The following PPP2R2B variants were observed in gnomAD, a reference collection of about 807,000 sequenced individuals.
The protein encoded by PPP2R2B is serine/threonine-protein phosphatase 2A 55 kDa regulatory subunit B beta isoform.
Under a neutral mutation model 46.0 loss-of-function variants are expected in PPP2R2B, and 5 were observed. That is an observed-to-expected ratio of 0.11 (90% CI 0.06 to 0.23). PPP2R2B has a LOEUF of 0.23. Among genes scored for constraint, PPP2R2B ranks in the 10% least tolerant of loss-of-function variants. The pLI, the probability that PPP2R2B is intolerant of heterozygous loss-of-function variation, is 1.00. For missense variants in PPP2R2B, 367 were observed against 575.0 expected, an observed-to-expected ratio of 0.64 and a Z score of 3.70; for synonymous variants, 215 against 206.7, an observed-to-expected ratio of 1.04 and a Z score of -0.34.
intron 2 of PPP2R2B, among the ~76,000 whole-genome samples, chr5:146,735,232 T>A (rs1183902155): frequency 6.6e-6 from 1 of 152,154 alleles, no homozygotes; most frequent in Admixed American, 6.5e-5. Context: ...AGGATTTAGA[T>A]CATTTAAATC....
Position 146,689,799 on chromosome 5 carries a change from G to A in PPP2R2B, c.447+1329C>T, listed in dbSNP as rs113342083. On this transcript the variant is annotated intron_variant, in intron 5 of 9. Coordinates refer to ENST00000394411, the MANE Select transcript of PPP2R2B (RefSeq NM_181675.4). ...CCAAGTCCACCCAGAATGATAAGGT[G>A]GACTTACATGGAGGTTCTCCAGAGC... Among the ~76,000 whole-genome samples, 1,233 of 152,240 alleles carry A rather than the reference G, an allele frequency of 8.1e-3. 20 individuals are homozygous for A. The highest frequency in any genetic ancestry group is 0.028 in the African/African-American group (1,178 of 41,524).
chr5:146,814,225 C>CT (rs200735774), intron 2 of PPP2R2B, among the ~76,000 whole-genome samples: 3,864 of 147,718 alleles, frequency 0.026, 51 homozygotes, highest in Middle Eastern at 0.047. Context: ...ATCCTATGGT[C>CT]TTTTTTTTTC....
chr5:146,842,532 G>T (rs568422638), intron 2 of PPP2R2B, among the ~76,000 whole-genome samples: 1 of 142,554 alleles, frequency 7.0e-6, no homozygotes, highest in East Asian at 2.0e-4. Flanking sequence ...GGATGTGCAA[G>T]TTTTTTACAT....
At chr5:146,996,549 A>G (rs1470191255) in intron 1 of PPP2R2B, among the ~76,000 whole-genome samples, 1 of 152,166 alleles carries the variant, frequency 6.6e-6, no homozygotes, top group Non-Finnish European at 1.5e-5. Flanking sequence ...AAATAGGAGT[A>G]TGGTTTGCCC....
intron 2 of PPP2R2B, among the ~76,000 whole-genome samples, chr5:146,788,579 A>G (rs1215899050): frequency 2.6e-5 from 4 of 152,110 alleles, no homozygotes; most frequent in African/African-American, 9.7e-5. Flanking sequence ...GAAAATACAA[A>G]TATTAGCCAG....
intron 1 of PPP2R2B, among the ~76,000 whole-genome samples, chr5:146,999,295 G>A (rs967519374): frequency 6.6e-6 from 1 of 152,130 alleles, no homozygotes; most frequent in Non-Finnish European, 1.5e-5. Flanking sequence ...TACTAAGGAA[G>A]GTGGTAAAAA....
intron 2 of PPP2R2B, among the ~76,000 whole-genome samples, chr5:146,707,843 A>T (rs1295859717): frequency 6.6e-6 from 1 of 152,186 alleles, no homozygotes; most frequent in Non-Finnish European, 1.5e-5. Flanking sequence ...TATAGACAAA[A>T]GTTTATCAGA....
intron 2 of PPP2R2B, among the ~76,000 whole-genome samples, chr5:146,845,896 C>G (rs610576): frequency 0.019 from 2,858 of 152,262 alleles, 94 homozygotes; most frequent in African/African-American, 0.065. Context: ...CTGTGCAACA[C>G]AGTAGCCACT....
chr5:146,883,400 T>C (rs1418042458), upstream of PPP2R2B, among the ~76,000 whole-genome samples: 2 of 152,170 alleles, frequency 1.3e-5, no homozygotes, highest in South Asian at 2.1e-4. Context: ...AAGTCAATTG[T>C]TCATGTGAAC....
chr5:146,728,138 C>CTTTTTTTTT (rs757396751), intron 2 of PPP2R2B, among the ~76,000 whole-genome samples: 3 of 82,508 alleles, frequency 3.6e-5, no homozygotes, highest in Non-Finnish European at 7.0e-5. Flanking sequence ...GAAACACTTA[C>CTTTTTTTTT]TTTTTTTTTT....
chr5:146,865,239 ATGT>A (rs892590535), intron 2 of PPP2R2B, among the ~76,000 whole-genome samples: 3 of 151,748 alleles, frequency 2.0e-5, no homozygotes, highest in African/African-American at 7.3e-5. Context: ...CCTATAGATG[ATGT>A]TGTTTTGCAT....
chr5:146,708,652 C>T (rs1780039430), intron 2 of PPP2R2B, among the ~76,000 whole-genome samples: 1 of 152,108 alleles, frequency 6.6e-6, no homozygotes, highest in South Asian at 2.1e-4. Context: ...GTTAAAAATG[C>T]TGTGTAGATA....
intron 2 of PPP2R2B, among the ~76,000 whole-genome samples, chr5:147,070,949 C>T (rs1390948377): frequency 6.6e-6 from 1 of 151,932 alleles, no homozygotes; most frequent in Non-Finnish European, 1.5e-5. Context: ...GAGATTATGC[C>T]ACTGCACTCC....
In PPP2R2B at chr5:146,660,977, T is replaced by C. The variant is rs376692735; in HGVS notation, c.448-10253A>G. ...CACTGATGCTACAAAGAGATGTATA[T>C]TGTTTCATGAGAGAAAGAAATAGGG... On this transcript the variant is annotated intron_variant, in intron 5 of 9. Transcript: ENST00000394411. 5.6e-4 allele frequency among the ~76,000 whole-genome samples: 86 copies of C among 152,306 alleles called. 1 individual carries two copies. In the South Asian group the frequency reaches 0.017, roughly 30 times the overall value.
chr5:146,985,299 G>A (rs765589464), intron 1 of PPP2R2B, among the ~76,000 whole-genome samples: 11 of 152,048 alleles, frequency 7.2e-5, no homozygotes, highest in East Asian at 3.8e-4. Context: ...GATTACAGGC[G>A]TGAGCCACTG....
chr5:147,056,072 C>T, upstream of PPP2R2B: 1 of 1,116,312 alleles, frequency 9.0e-7, no homozygotes, highest in Non-Finnish European at 1.1e-6. Context: ...AAATGCTCTG[C>T]CTGAAACCTC....
chr5:146,901,058 G>A (rs1762820820), intron 1 of PPP2R2B, among the ~76,000 whole-genome samples: 1 of 152,112 alleles, frequency 6.6e-6, no homozygotes, highest in Non-Finnish European at 1.5e-5. Flanking sequence ...TTCATTCCAT[G>A]TCTTTGCTAT....
At chr5:146,909,798 AG>A (rs1255228186) in intron 1 of PPP2R2B, among the ~76,000 whole-genome samples, 2 of 152,192 alleles carry the variant, frequency 1.3e-5, no homozygotes, top group African/African-American at 4.8e-5. Context: ...TCTGGTTTCT[AG>A]GTGGCTTTGC....
intron 2 of PPP2R2B, among the ~76,000 whole-genome samples, chr5:146,862,807 T>C (rs1338782780): frequency 1.4e-5 from 2 of 139,318 alleles, no homozygotes; most frequent in African/African-American, 5.4e-5. Context: ...AATGTCTACA[T>C]CAAGGCCATT....
Sources: gnomAD v4.1 joint callset for allele counts (sites outside exome capture counted in the v4.1 genomes callset) on GRCh38, gnomAD v4.1.1 for gene constraint, MANE v1.5 for transcripts, NCBI Gene and HGNC (gene_info 2026-07-23, HGNC 2026-07-21) for gene names.